SKI: variants seen among roughly 807,000 people sequenced by gnomAD.
SKI encodes SKI proto-oncogene, also known as ski oncogene.
SKI carries 23 observed loss-of-function variants against 59.3 expected under a neutral mutation model. The ratio of observed to expected loss-of-function variants is 0.39; its 90% confidence interval spans 0.28 to 0.55. SKI has a LOEUF of 0.55. Among genes scored for constraint, SKI ranks in the 20% least tolerant of loss-of-function variants. The pLI, the probability that SKI is intolerant of heterozygous loss-of-function variation, is 0.67. For synonymous variants in SKI, 673 were observed against 488.6 expected, an observed-to-expected ratio of 1.38 and a Z score of -4.98; for missense variants, 1,017 against 1,038.9, an observed-to-expected ratio of 0.98 and a Z score of 0.29.
rs1226457455 is a variant in SKI, at chr1:2,310,077, A to C, written c.*3312A>C. On this transcript the variant is annotated 3_prime_UTR_variant, in exon 7 of 7. Transcript: ENST00000378536. ...CTCGGAAACTATTTTTATGTAATTA[A>C]TGTATGCTTTCTTGTTTATAAATGC... is the stretch of plus-strand genomic sequence containing the variant. The C allele has an allele frequency of 1.3e-5, 2 of 151,402 alleles. No homozygotes were observed. The highest frequency in any genetic ancestry group is 1.5e-5 in the Non-Finnish European group (1 of 67,928). The allele number at this position is 151,402 out of a possible 1,614,324, so 9.4% of individuals were successfully genotyped here.
chr1:2,235,105 C>T (rs1166882341), intron 1 of SKI, among the ~76,000 whole-genome samples: 3 of 150,134 alleles, frequency 2.0e-5, no homozygotes, highest in Non-Finnish European at 4.4e-5. Flanking sequence ...TGCAGTGGTG[C>T]GATCTTGGCT....
At chr1:2,305,163 C>T (rs1640537025) in intron 5 of SKI, among the ~76,000 whole-genome samples, 2 of 152,220 alleles carry the variant, frequency 1.3e-5, no homozygotes, top group African/African-American at 4.8e-5. Flanking sequence ...GCACACGCTG[C>T]TTCTCTGGGC....
At position 2,308,008 on chromosome 1, in the gene SKI, GA is replaced by G. The variant is rs1177806169; in HGVS notation, c.*1245del. On this transcript the variant is annotated 3_prime_UTR_variant, in exon 7 of 7. Transcript: ENST00000378536. ...GTAGCGACTGAATCTGCCACTCTCA[GA>G]ATAAGTTCCTTGCATTTATTCCAAA... 6.6e-5 allele frequency: 10 copies of G among 152,408 alleles called. No homozygotes were observed. The highest frequency in any genetic ancestry group is 1.5e-4 in the Non-Finnish European group (10 of 68,036). 9.4% of individuals were successfully genotyped at this position (152,408 alleles called of 1,614,324 possible).
intron 1 of SKI, among the ~76,000 whole-genome samples, chr1:2,276,421 G>A (rs1374645933): frequency 2.0e-5 from 3 of 152,186 alleles, no homozygotes; most frequent in Non-Finnish European, 2.9e-5. Context: ...CCGGAAATGC[G>A]TGTCTGCTGC....
rs991640218 is a variant in SKI at position 2,307,751 on chromosome 1, C to G, written c.*986C>G. 3 of 152,600 alleles carry G rather than the reference C, an allele frequency of 2.0e-5. No homozygotes were observed. Among genetic ancestry groups the G allele is most frequent in the Non-Finnish European group, 4.4e-5 (3 of 68,052 alleles). The allele number at this position is 152,600 out of a possible 1,614,324, so 9.5% of individuals were successfully genotyped here. ...ATTTAGAACTGCACTTTGTCCACAA[C>G]CTTCCCTTCTCTTTCTATTCCCCAG... On this transcript the variant is annotated 3_prime_UTR_variant, in exon 7 of 7. Coordinates refer to ENST00000378536, the MANE Select transcript of SKI (RefSeq NM_003036.4).
At chr1:2,264,797 T>C (rs917599323) in intron 1 of SKI, among the ~76,000 whole-genome samples, 2 of 151,874 alleles carry the variant, frequency 1.3e-5, no homozygotes, top group Admixed American at 6.6e-5. Context: ...CGGACATGCC[T>C]CTTCTTTTTT....
intron 1 of SKI, among the ~76,000 whole-genome samples, chr1:2,241,161 C>T (rs1297947546): frequency 6.6e-6 from 1 of 152,262 alleles, no homozygotes; most frequent in Admixed American, 6.5e-5. Flanking sequence ...AGGGTCCCCT[C>T]ACACTTGCCT....
intron 5 of SKI, among the ~76,000 whole-genome samples, chr1:2,305,797 A>G (rs928805196): frequency 4.6e-5 from 7 of 152,128 alleles, no homozygotes; most frequent in Non-Finnish European, 8.8e-5. Flanking sequence ...CCCCAGGTTT[A>G]GCACAGCTGC....
rs149320667 is a variant in SKI at position 2,256,997 on chromosome 1, G to A, written c.969+27262G>A. Among the ~76,000 whole-genome samples, 372 of 152,306 alleles carry A rather than the reference G, an allele frequency of 2.4e-3. 2 individuals are homozygous for A. Among genetic ancestry groups the A allele is most frequent in the African/African-American group, 8.4e-3 (351 of 41,566 alleles). ...TTGGTCCTCCTGGCACTGGTGCTCCGGTTGCTGTGGTCTCCCTGCTGTTCC... is the reference window on the plus strand; with the variant it reads ...TTGGTCCTCCTGGCACTGGTGCTCCAGTTGCTGTGGTCTCCCTGCTGTTCC... On this transcript the variant is annotated intron_variant, in intron 1 of 6. Coordinates refer to ENST00000378536, the MANE Select transcript of SKI (RefSeq NM_003036.4).
intron 1 of SKI, among the ~76,000 whole-genome samples, chr1:2,230,996 C>T (rs146668874): frequency 4.6e-5 from 7 of 152,156 alleles, no homozygotes; most frequent in Admixed American, 1.3e-4. Context: ...TGTGTGTGCG[C>T]GCTTCTGACC....
chr1:2,301,928 G>C (rs1367957008), intron 1 of SKI, among the ~76,000 whole-genome samples: 1 of 152,242 alleles, frequency 6.6e-6, no homozygotes, highest in Non-Finnish European at 1.5e-5. Flanking sequence ...GTGCTGTCCT[G>C]TGGGGTCTTT....
chr1:2,279,610 C>T (rs749896948), intron 1 of SKI, among the ~76,000 whole-genome samples: 3 of 151,090 alleles, frequency 2.0e-5, no homozygotes, highest in Non-Finnish European at 3.0e-5. Flanking sequence ...GTGGGTGAGA[C>T]GAGGGAGGGC....
At chr1:2,276,015 G>A (rs576861609) in intron 1 of SKI, among the ~76,000 whole-genome samples, 5 of 152,356 alleles carry the variant, frequency 3.3e-5, no homozygotes, top group African/African-American at 4.8e-5. Flanking sequence ...TCTCAGAGCT[G>A]TTGAGAATTG....
chr1:2,237,421 A>G (rs1434652725), intron 1 of SKI, among the ~76,000 whole-genome samples: 2 of 152,166 alleles, frequency 1.3e-5, no homozygotes, highest in Non-Finnish European at 2.9e-5. Context: ...AGGGGAAACC[A>G]TGTTGCCAGG....
intron 1 of SKI, among the ~76,000 whole-genome samples, chr1:2,272,603 G>T (rs756320378): frequency 6.6e-6 from 1 of 152,212 alleles, no homozygotes; most frequent in Non-Finnish European, 1.5e-5. Flanking sequence ...GGGTGAACTG[G>T]TTCCTATTTT....
chr1:2,231,598 C>T (rs1638639504), intron 1 of SKI, among the ~76,000 whole-genome samples: 1 of 152,224 alleles, frequency 6.6e-6, no homozygotes, highest in Non-Finnish European at 1.5e-5. Context: ...GCCGCCTTTC[C>T]CTTTTGAAGT....
At chr1:2,271,678 G>A (rs566475845) in intron 1 of SKI, among the ~76,000 whole-genome samples, 26 of 151,994 alleles carry the variant, frequency 1.7e-4, no homozygotes, top group Non-Finnish European at 2.8e-4. Flanking sequence ...GCCTGTCCCT[G>A]CGGGCCCGCC....
At chr1:2,289,088 C>T (rs1557842571) in intron 1 of SKI, among the ~76,000 whole-genome samples, 1 of 152,348 alleles carries the variant, frequency 6.6e-6, no homozygotes, top group East Asian at 1.9e-4. Flanking sequence ...AGGTCATGTT[C>T]TGCAGGAGAC....
At chr1:2,257,656 C>T (rs372264997) in intron 1 of SKI, among the ~76,000 whole-genome samples, 18 of 152,348 alleles carry the variant, frequency 1.2e-4, no homozygotes, top group African/African-American at 4.3e-4. Context: ...TTTCTTTCCT[C>T]ATGCTTTTGA....
Sources: gnomAD v4.1 joint callset for allele counts (sites outside exome capture counted in the v4.1 genomes callset) on GRCh38, gnomAD v4.1.1 for gene constraint, MANE v1.5 for transcripts, NCBI Gene and HGNC (gene_info 2026-07-23, HGNC 2026-07-21) for gene names.